Variants in PDE6D observed in about 807,000 individuals in gnomAD.
PDE6D encodes phosphodiesterase 6D.
PDE6D carries 10 observed loss-of-function variants against 21.9 expected under a neutral mutation model. The observed-to-expected ratio is 0.46, with a 90% CI of 0.28 to 0.78. The LOEUF is 0.78. Among genes scored for constraint, PDE6D ranks in the 30% least tolerant of loss-of-function variants. PDE6D has a pLI of 0.12. For synonymous variants in PDE6D, 59 were observed against 63.5 expected (o/e 0.93, Z 0.34); for missense variants, 139 against 184.8 (o/e 0.75, Z 1.44).
intron 1 of PDE6D, among the ~76,000 whole-genome samples, chr2:231,767,342 CAG>C (rs2048979200): frequency 1.3e-5 from 2 of 150,720 alleles, no homozygotes; most frequent in African/African-American, 2.4e-5. Flanking sequence ...TTTTTTGAGA[CAG>C]AGTCTCCGTT....
intron 1 of PDE6D, among the ~76,000 whole-genome samples, chr2:231,775,564 C>A (rs1323324683): frequency 1.3e-5 from 2 of 148,864 alleles, no homozygotes; most frequent in Non-Finnish European, 3.0e-5. Context: ...CTCAAGCAAT[C>A]CACCCACCTT....
intron 1 of PDE6D, among the ~76,000 whole-genome samples, chr2:231,750,811 C>T (rs765514541): frequency 3.3e-5 from 5 of 151,768 alleles, no homozygotes; most frequent in Non-Finnish European, 7.4e-5. Context: ...CCTGGCCTCA[C>T]ATCACTTTTT....
chr2:231,765,091 T>C (rs1454026653), intron 1 of PDE6D, among the ~76,000 whole-genome samples: 1 of 146,966 alleles, frequency 6.8e-6, no homozygotes, highest in Admixed American at 6.9e-5. Flanking sequence ...TGAGATTCCA[T>C]CTCCACGGAA....
At chr2:231,747,401 T>C (rs761955357) in intron 1 of PDE6D, among the ~76,000 whole-genome samples, 2 of 152,240 alleles carry the variant, frequency 1.3e-5, no homozygotes. Flanking sequence ...TATGATACTT[T>C]AAAGAATGAA....
intron 1 of PDE6D, among the ~76,000 whole-genome samples, chr2:231,774,214 T>C (rs1263595207): frequency 1.3e-5 from 2 of 152,172 alleles, no homozygotes; most frequent in Non-Finnish European, 2.9e-5. Context: ...ATTACAGGCA[T>C]GAACCACTAT....
At chr2:231,767,021 T>TAAAAAAA (rs2048976588) in intron 1 of PDE6D, among the ~76,000 whole-genome samples, 3 of 138,458 alleles carry the variant, frequency 2.2e-5, no homozygotes, top group Non-Finnish European at 3.1e-5. Flanking sequence ...AAAAAAAAGC[T>TAAAAAAA]AAGTCAAAGA....
intron 1 of PDE6D, among the ~76,000 whole-genome samples, chr2:231,744,618 C>G (rs896389576): frequency 6.6e-6 from 1 of 151,698 alleles, no homozygotes; most frequent in East Asian, 1.9e-4. Flanking sequence ...TTTTTAGTAG[C>G]GATGGGGTTT....
Position 231,780,916 on chromosome 2 carries a change from GGTGCTCGGCACGCT to G in PDE6D, c.50+135_50+148del, listed in dbSNP as rs2049113883. The G allele has an allele frequency of 7.2e-6, 5 of 696,850 alleles. No individual in the cohort carries two copies. In the East Asian group the frequency reaches 1.6e-4, roughly 22 times the overall value. 43.2% of individuals were successfully genotyped at this position (696,850 alleles called of 1,614,324 possible). ...GCGCCTCTCGCGCCGGGTCCCGCCGGGTGCTCGGCACGCTGTTCCTTTCCTCTCCCCTCCCGCGG... is the reference window on the plus strand; with the variant it reads ...GCGCCTCTCGCGCCGGGTCCCGCCGGGTTCCTTTCCTCTCCCCTCCCGCGG... On this transcript the variant is annotated intron_variant, in intron 1 of 4. Coordinates refer to ENST00000287600, the MANE Select transcript of PDE6D (RefSeq NM_002601.4).
chr2:231,778,245 A>C (rs1162545503), intron 1 of PDE6D, among the ~76,000 whole-genome samples: 1 of 152,228 alleles, frequency 6.6e-6, no homozygotes, highest in African/African-American at 2.4e-5. Context: ...CAACTTGGGC[A>C]ACAGACCAAG....
chr2:231,745,574 G>A (rs2048787513), intron 1 of PDE6D, among the ~76,000 whole-genome samples: 2 of 152,208 alleles, frequency 1.3e-5, no homozygotes, highest in African/African-American at 2.4e-5. Context: ...CCTGCTTAGA[G>A]GAGATCGGGC....
At chr2:231,776,624 A>G (rs920088313) in intron 1 of PDE6D, among the ~76,000 whole-genome samples, 1 of 152,244 alleles carries the variant, frequency 6.6e-6, no homozygotes, top group Non-Finnish European at 1.5e-5. Flanking sequence ...ACAGACATAA[A>G]GCTGGTTAAG....
At chr2:231,761,378 A>G (rs564765850) in intron 1 of PDE6D, among the ~76,000 whole-genome samples, 13 of 140,780 alleles carry the variant, frequency 9.2e-5, no homozygotes, top group African/African-American at 2.8e-4. Context: ...GGGTTTCACC[A>G]TGTTAGCCAG....
chr2:231,768,696 C>T (rs1417883333), intron 1 of PDE6D: 2 of 152,192 alleles, frequency 1.3e-5, no homozygotes, highest in South Asian at 4.1e-4. Context: ...CGCGCCCGAC[C>T]TCAAGTGATA....
At chr2:231,774,797 G>C (rs867968298) in intron 1 of PDE6D, among the ~76,000 whole-genome samples, 2 of 151,914 alleles carry the variant, frequency 1.3e-5, no homozygotes, top group African/African-American at 4.8e-5. Context: ...CACCATGTTG[G>C]CCAGGCTGGC....
At chr2:231,744,800 C>T (rs1426283164) in intron 1 of PDE6D, among the ~76,000 whole-genome samples, 2 of 152,118 alleles carry the variant, frequency 1.3e-5, no homozygotes, top group Non-Finnish European at 2.9e-5. Context: ...TATGTTTAGC[C>T]AGTTCAATAT....
At position 231,732,721 on chromosome 2, in the gene PDE6D, C is replaced by T; in HGVS notation, c.*231G>A. The stretch of plus-strand genomic sequence containing the variant: ...GAAGGACTTGAGACCTGTCCCCTGC[C>T]CTGGTCTGGGGTTGGGAGTTTAGTC... On this transcript the variant is annotated 3_prime_UTR_variant, in exon 5 of 5. Coordinates refer to ENST00000287600, the MANE Select transcript of PDE6D (RefSeq NM_002601.4). 4 of 469,396 alleles carry T rather than the reference C, an allele frequency of 8.5e-6. No homozygotes were observed. Among genetic ancestry groups the T allele is most frequent in the East Asian group, 3.7e-5 (1 of 26,684 alleles). The allele number at this position is 469,396 out of a possible 1,614,324, so 29.1% of individuals were successfully genotyped here.
At chr2:231,752,117 C>T (rs1247316521) in intron 1 of PDE6D, among the ~76,000 whole-genome samples, 3 of 152,146 alleles carry the variant, frequency 2.0e-5, no homozygotes, top group Non-Finnish European at 2.9e-5. Context: ...TATTTTAACA[C>T]TAAGAAATCT....
At chr2:231,763,305 A>G (rs1443897815) in intron 1 of PDE6D, among the ~76,000 whole-genome samples, 2 of 152,174 alleles carry the variant, frequency 1.3e-5, no homozygotes, top group Non-Finnish European at 2.9e-5. Context: ...TGAGTTTCTC[A>G]CTTAATCATT....
rs2049019576 is a variant in PDE6D at position 231,772,049 on chromosome 2, T to G, written c.50+9016A>C. On this transcript the variant is annotated intron_variant, in intron 1 of 4. Coordinates refer to ENST00000287600, the MANE Select transcript of PDE6D (RefSeq NM_002601.4). ...AATTGTTAGAAACTGGCCTAAACTC[T>G]GTCACCTGTAATTTCTACCCCGCAA... 2.0e-5 allele frequency among the ~76,000 whole-genome samples: 3 copies of G among 152,340 alleles called. No individual in the cohort carries two copies. The South Asian group carries it at 6.2e-4, about 32-fold the overall frequency.
Sources: gnomAD v4.1 joint callset for allele counts (sites outside exome capture counted in the v4.1 genomes callset) on GRCh38, gnomAD v4.1.1 for gene constraint, MANE v1.5 for transcripts, NCBI Gene and HGNC (gene_info 2026-07-23, HGNC 2026-07-21) for gene names.